The following ESS2 variants were observed in gnomAD, a reference collection of about 807,000 sequenced individuals.
ESS2 encodes the protein splicing factor ESS-2 homolog.
In ESS2, 31 loss-of-function variants were observed where a neutral mutation model predicts 52.0. The ratio of observed to expected loss-of-function variants is 0.60; its 90% CI spans 0.45 to 0.81. The LOEUF is 0.81. Among genes scored for constraint, ESS2 ranks in the 30% least tolerant of loss-of-function variants. The pLI, the probability that ESS2 is intolerant of heterozygous loss-of-function variation, is 0.00. For missense variants in ESS2, 602 were observed against 637.2 expected, an observed-to-expected ratio of 0.94 and a Z score of 0.59; for synonymous variants, 285 against 259.2, an observed-to-expected ratio of 1.10 and a Z score of -0.95.
intron 1 of ESS2, among the ~76,000 whole-genome samples, chr22:19,143,109 G>A (rs2083720394): frequency 6.7e-6 from 1 of 148,564 alleles, no homozygotes; most frequent in Non-Finnish European, 1.5e-5. Flanking sequence ...GGAGGCTGAA[G>A]CAGAAGAATC....
chr22:19,138,567 C>T, intron 6 of ESS2: 1 of 615,598 alleles, frequency 1.6e-6, no homozygotes, highest in South Asian at 1.9e-5. Context: ...AGGGAGGTGC[C>T]AGGGCCTCCA....
chr22:19,132,381 G>A lies in ESS2; in HGVS notation c.*1815C>T, dbSNP rs775019033. ...CCAGCACCGGCTGCTGGTGGTGCCC[G>A]AGAACGAGAACAGGATGGAGGACAG... On this transcript the variant is annotated 3_prime_UTR_variant, in exon 10 of 10. Coordinates refer to ENST00000252137, the MANE Select transcript of ESS2 (RefSeq NM_022719.3). This position sits in a 1 kb window ranked among gnomAD's most constrained non-coding sequence, Gnocchi z 4.2. 40 of 1,613,024 alleles carry A rather than the reference G, an allele frequency of 2.5e-5. No homozygotes were observed. The Admixed American group carries it at 5.2e-4, about 21-fold the overall frequency.
Position 19,131,079 on chromosome 22 carries a change from C to T in ESS2, c.*3117G>A, listed in dbSNP as rs796447251. On this transcript the variant is annotated 3_prime_UTR_variant, in exon 10 of 10. Coordinates refer to ENST00000252137, the MANE Select transcript of ESS2 (RefSeq NM_022719.3). This position sits in a 1 kb window ranked among gnomAD's most constrained non-coding sequence, Gnocchi z 5.7. ...TGTGACAGGGAAACCAATGCAGCAGCAGCAGGGCCACCAGAGTCCTGTCCT... is the reference window on the plus strand; with the variant it reads ...TGTGACAGGGAAACCAATGCAGCAGTAGCAGGGCCACCAGAGTCCTGTCCT... 9 of 298,562 alleles carry T rather than the reference C, an allele frequency of 3.0e-5. No individual in the cohort carries two copies. Among genetic ancestry groups the T allele is most frequent in the African/African-American group, 1.9e-4 (9 of 46,254 alleles). The allele number at this position is 298,562 out of a possible 1,614,324, so 18.5% of individuals were successfully genotyped here.
intron 8 of ESS2, among the ~76,000 whole-genome samples, chr22:19,136,870 C>T (rs1225098013): frequency 6.6e-6 from 1 of 152,142 alleles, no homozygotes; most frequent in Admixed American, 6.5e-5. Flanking sequence ...CACGAAGAGC[C>T]TCCCCTGGTC....
Position 19,142,652 on chromosome 22 carries a change from A to ATT in ESS2, c.305-20_305-19insAA. ...GTCACATCTAGGGGAAGAGAGGGGGATAAGAATTAGAGTGAGCCTGAAGCG... is the reference window on the plus strand; with the variant it reads ...GTCACATCTAGGGGAAGAGAGGGGGATTTAAGAATTAGAGTGAGCCTGAAGCG... On this transcript the variant is annotated intron_variant, in intron 2 of 9. Transcript: ENST00000252137. 6.2e-7 allele frequency: 1 copy of ATT among 1,610,856 alleles called. No individual in the cohort carries two copies. The highest frequency in any genetic ancestry group is 8.5e-7 in the Non-Finnish European group (1 of 1,178,560).
chr22:19,135,760 G>T (rs2083570817), intron 8 of ESS2, among the ~76,000 whole-genome samples: 2 of 152,158 alleles, frequency 1.3e-5, no homozygotes, highest in Admixed American at 6.5e-5. Flanking sequence ...GGGAGTGGTG[G>T]CTCACACCTG....
intron 7 of ESS2, 144 bp from the exon 8 acceptor site, chr22:19,137,576 A>G: frequency 1.1e-6 from 1 of 927,742 alleles, no homozygotes; most frequent in Non-Finnish European, 1.6e-6. Context: ...GGACTCTGGA[A>G]CCCTGGCACC....
Position 19,134,364 on chromosome 22 carries a change from GGAT to G in ESS2, c.1260_1262del (p.Ser421del), listed in dbSNP as rs1569105100. 6.2e-7 allele frequency: 1 copy of G among 1,612,402 alleles called. No homozygotes were observed. Among genetic ancestry groups the G allele is most frequent in the Non-Finnish European group, 8.5e-7 (1 of 1,179,418 alleles). Reference sequence around the variant, plus strand: ...TCTTGAGGTGGGTGGAGCGTGCTGGGGATGGTGTGTAGCTGGCCCGCAGGGCCC... The same window carrying G: ...TCTTGAGGTGGGTGGAGCGTGCTGGGGGTGTGTAGCTGGCCCGCAGGGCCC... On this transcript the variant is annotated inframe_deletion, in exon 10 of 10. Transcript: ENST00000252137.
rs753837958 is a variant in ESS2, at chr22:19,131,831, C to T, written c.*2365G>A. ...ACCTCAAGTGCGAGAACCTTCTCCT[C>T]GACAAGGACTTCAACATCAAGCTGT... On this transcript the variant is annotated 3_prime_UTR_variant, in exon 10 of 10. Transcript: ENST00000252137. The surrounding 1 kb of genome is among the most constrained non-coding windows in gnomAD (Gnocchi z 5.7). The T allele has an allele frequency of 6.2e-6, 10 of 1,614,022 alleles. No homozygotes were observed. The highest frequency in any genetic ancestry group is 2.2e-5 in the East Asian group (1 of 44,898).
rs200322808 is a variant in ESS2, at chr22:19,132,251, C to A, written c.*1945G>T. The A allele has an allele frequency of 5.0e-6, 8 of 1,612,274 alleles. No homozygotes were observed. The highest frequency in any genetic ancestry group is 5.9e-6 in the Non-Finnish European group (7 of 1,178,834). On this transcript the variant is annotated 3_prime_UTR_variant, in exon 10 of 10. Coordinates refer to ENST00000252137, the MANE Select transcript of ESS2 (RefSeq NM_022719.3). The surrounding 1 kb of genome is among the most constrained non-coding windows in gnomAD (Gnocchi z 4.2). ...AGCCCAAAGCCACGTCTTCTGCCTC[C>A]TTCAAGAGGGAGGGGGAGGGCAAGT...
intron 3 of ESS2, among the ~76,000 whole-genome samples, chr22:19,142,295 C>T (rs2083700445): frequency 6.6e-6 from 1 of 152,232 alleles, no homozygotes; most frequent in Non-Finnish European, 1.5e-5. Flanking sequence ...TGGAACACAG[C>T]AGAAAAGCCA....
rs780536698 is a variant in ESS2 at position 19,144,627 on chromosome 22, C to T, written c.14G>A (p.Gly5Asp). The change falls in exon 1 of 10, where the codon GGC becomes GAC. Residue 5 changes from glycine (G) to aspartate (D), a missense_variant. By Grantham distance (94) the Gly-to-Asp change is moderately conservative (BLOSUM62 -1). Coordinates refer to ENST00000252137, the MANE Select transcript of ESS2 (RefSeq NM_022719.3). METP[G>D]ASASSLLLPA... ...AAGCAACAAGGACGACGCTGATGCG[C>T]CCGGCGTCTCCATCGCTATCCCAGG... 1.3e-6 allele frequency: 2 copies of T among 1,530,750 alleles called. No homozygotes were observed. The highest frequency in any genetic ancestry group is 1.2e-5 in the South Asian group (1 of 83,726). The allele number at this position is 1,530,750 out of a possible 1,614,324, so 94.8% of individuals were successfully genotyped here. A position where few individuals can be genotyped will look rare whatever the true frequency, so the allele number is the denominator to read the frequency against.
In ESS2 at chr22:19,130,412, A is replaced by G. The variant is rs2083495942; in HGVS notation, c.*3784T>C. 6.8e-5 allele frequency: 15 copies of G among 219,914 alleles called. No homozygotes were observed. The South Asian group carries it at 8.2e-4, about 12-fold the overall frequency. 13.6% of individuals were successfully genotyped at this position (219,914 alleles called of 1,614,324 possible). ...GGGGTTATGTGCCTACATGCAGTAC[A>G]GCAATCACCTAAGTCTACTGGTAAC... On this transcript the variant is annotated 3_prime_UTR_variant, in exon 10 of 10. Transcript: ENST00000252137.
intron 8 of ESS2, among the ~76,000 whole-genome samples, chr22:19,135,585 C>T (rs185153398): frequency 6.6e-6 from 1 of 152,342 alleles, no homozygotes; most frequent in Non-Finnish European, 1.5e-5. Flanking sequence ...CTTGCCAAGA[C>T]CTTGTGTCAA....
At chr22:19,144,285 CAAAG>C in intron 1 of ESS2, 1 of 1,323,812 alleles carries the variant, frequency 7.6e-7, no homozygotes. Flanking sequence ...CCGTCCCATA[CAAAG>C]AGAGCCGCTC....
In ESS2 at chr22:19,133,013, C is replaced by G. The variant is rs1016657564; in HGVS notation, c.*1183G>C. ...CCCCACTCCCTCACAATCCCTCGCT[C>G]AGCATCCTCCTCTTCCTCTATTTCC... On this transcript the variant is annotated 3_prime_UTR_variant, in exon 10 of 10. Transcript: ENST00000252137. The G allele has an allele frequency of 6.5e-6, 1 of 154,796 alleles. No individual in the cohort carries two copies. The highest frequency in any genetic ancestry group is 1.4e-5 in the Non-Finnish European group (1 of 69,800). The allele number at this position is 154,796 out of a possible 1,614,324, so 9.6% of individuals were successfully genotyped here. A position where few individuals can be genotyped will look rare whatever the true frequency, so the allele number is the denominator to read the frequency against.
intron 9 of ESS2, among the ~76,000 whole-genome samples, chr22:19,134,769 C>G (rs1400605301): frequency 1.3e-5 from 2 of 152,108 alleles, no homozygotes; most frequent in Non-Finnish European, 1.5e-5. Flanking sequence ...AACGATGACT[C>G]TCTCCACAGG....
rs775514047 is a variant in ESS2, at chr22:19,134,383, C to T, written c.1244G>A (p.Arg415Gln). Reference protein sequence around the residue: ...TASKYTDRALRASYTPSPARS... With the variant: ...TASKYTDRALQASYTPSPARS... ...TGCTGGGGATGGTGTGTAGCTGGCC[C>T]GCAGGGCCCGGTCTGTGTACTTGCT... is the stretch of plus-strand genomic sequence containing the variant. The change falls in exon 10 of 10, where the codon CGG (arginine) becomes CAG (glutamine). Residue 415 changes from arginine to glutamine, a missense_variant. Transcript: ENST00000252137. 8.1e-6 allele frequency: 13 copies of T among 1,611,560 alleles called. No individual in the cohort carries two copies. Among genetic ancestry groups the T allele is most frequent in the East Asian group, 2.2e-5 (1 of 44,758 alleles).
Position 19,133,761 on chromosome 22 carries a change from T to C in ESS2, c.*435A>G, listed in dbSNP as rs2083532990. ...TGTGAGCTCAACTCAGAACACAGGT[T>C]CCGAGTGCCGCAGAAAGCAACGCCA... On this transcript the variant is annotated 3_prime_UTR_variant, in exon 10 of 10. Transcript: ENST00000252137. 6.1e-6 allele frequency: 1 copy of C among 163,680 alleles called. No individual in the cohort carries two copies. Among genetic ancestry groups the C allele is most frequent in the South Asian group, 2.0e-4 (1 of 4,918 alleles). The allele number at this position is 163,680 out of a possible 1,614,324, so 10.1% of individuals were successfully genotyped here.
Sources: allele counts gnomAD v4.1 joint callset (sites outside exome capture counted in the v4.1 genomes callset), GRCh38; gene constraint gnomAD v4.1.1; non-coding constraint Gnocchi (gnomAD v3.1); transcripts MANE v1.5; gene names NCBI Gene and HGNC (gene_info 2026-07-23, HGNC 2026-07-21).